TTC39B: variants seen among roughly 807,000 people sequenced by gnomAD.
The protein encoded by TTC39B is tetratricopeptide repeat domain 39B.
TTC39B carries 92 observed loss-of-function variants against 96.6 expected under a neutral mutation model. That is an observed-to-expected ratio of 0.95 (90% CI 0.80 to 1.13). The LOEUF (loss-of-function observed/expected upper bound fraction) is 1.13, where lower values mean the gene tolerates loss of function less well. Among genes scored for constraint, TTC39B ranks in the 50% most tolerant of loss-of-function variants. TTC39B has a pLI of 0.00. For synonymous variants in TTC39B, 367 were observed against 299.4 expected, an observed-to-expected ratio of 1.23 and a Z score of -2.33; for missense variants, 955 against 809.3, an observed-to-expected ratio of 1.18 and a Z score of -2.18.
chr9:15,187,521 G>C (rs534463275), intron 14 of TTC39B, among the ~76,000 whole-genome samples: 30 of 152,196 alleles, frequency 2.0e-4, no homozygotes, highest in Non-Finnish European at 3.5e-4. Flanking sequence ...GTGCAGTGGT[G>C]TGATCATAGC....
chr9:15,179,589 G>A (rs1818139624), intron 17 of TTC39B, among the ~76,000 whole-genome samples: 1 of 152,042 alleles, frequency 6.6e-6, no homozygotes, highest in Admixed American at 6.5e-5. Flanking sequence ...TCTATCCATT[G>A]CTTTTAATCA....
chr9:15,293,306 C>T (rs1187786546), intron 1 of TTC39B, among the ~76,000 whole-genome samples: 1 of 152,084 alleles, frequency 6.6e-6, no homozygotes, highest in African/African-American at 2.4e-5. Context: ...GATGACATTG[C>T]CTCATAACAC....
intron 2 of TTC39B, among the ~76,000 whole-genome samples, chr9:15,237,347 G>A (rs767927863): frequency 1.4e-4 from 22 of 151,904 alleles, no homozygotes; most frequent in African/African-American, 2.2e-4. Context: ...CCGAAAAGTC[G>A]GTTCTTCAAA....
chr9:15,254,181 C>G (rs1231456723), intron 2 of TTC39B, among the ~76,000 whole-genome samples: 1 of 151,512 alleles, frequency 6.6e-6, no homozygotes, highest in African/African-American at 2.4e-5. Flanking sequence ...AAAAAAGAAC[C>G]ATGCAATGAA....
chr9:15,268,079 T>G (rs1043445220), intron 1 of TTC39B, 131 bp from the exon 2 acceptor site: 1 of 671,854 alleles, frequency 1.5e-6, no homozygotes, highest in African/African-American at 1.8e-5. Flanking sequence ...GGCAGTAGAA[T>G]CAATCAACTT....
At chr9:15,194,923 T>C (rs142210576) in intron 8 of TTC39B, among the ~76,000 whole-genome samples, 50 of 152,306 alleles carry the variant, frequency 3.3e-4, no homozygotes, top group South Asian at 8.3e-4. Context: ...AAATTGAAAT[T>C]AGGCCAGTTG....
chr9:15,291,047 C>T (rs1424100361), intron 1 of TTC39B, among the ~76,000 whole-genome samples: 2 of 152,154 alleles, frequency 1.3e-5, no homozygotes, highest in Non-Finnish European at 2.9e-5. Flanking sequence ...AGTCTCCCTC[C>T]TGAGAGGATA....
intron 1 of TTC39B, among the ~76,000 whole-genome samples, chr9:15,301,529 C>T (rs570536220): frequency 2.0e-5 from 3 of 152,110 alleles, no homozygotes; most frequent in African/African-American, 7.2e-5. Context: ...CCCAGGTGGG[C>T]GAATCACCTT....
intron 2 of TTC39B, among the ~76,000 whole-genome samples, chr9:15,233,147 G>T (rs1015280191): frequency 2.0e-5 from 3 of 152,160 alleles, no homozygotes; most frequent in Non-Finnish European, 2.9e-5. Context: ...GCCCTGGCGA[G>T]AAATCTTCAG....
chr9:15,177,932 C>G (rs527313668), intron 17 of TTC39B, 118 bp from the exon 18 acceptor site: 1 of 553,754 alleles, frequency 1.8e-6, no homozygotes, highest in South Asian at 2.3e-5. Flanking sequence ...TGCAGTGGCG[C>G]AATCTCGGCT....
intron 1 of TTC39B, among the ~76,000 whole-genome samples, chr9:15,298,184 T>C (rs1338958643): frequency 1.3e-5 from 2 of 152,142 alleles, no homozygotes; most frequent in African/African-American, 4.8e-5. Flanking sequence ...TCTCCAGAAC[T>C]TGCACCTGTA....
At chr9:15,255,528 T>C (rs935927471) in intron 2 of TTC39B, among the ~76,000 whole-genome samples, 2 of 151,910 alleles carry the variant, frequency 1.3e-5, no homozygotes, top group Non-Finnish European at 2.9e-5. Context: ...GTTTTATTAG[T>C]CATCTTAGGT....
chr9:15,248,407 C>T (rs1292505074), intron 2 of TTC39B, among the ~76,000 whole-genome samples: 1 of 151,910 alleles, frequency 6.6e-6, no homozygotes, highest in African/African-American at 2.4e-5. Context: ...TTTATATGTC[C>T]TATATGTTTG....
intron 1 of TTC39B, among the ~76,000 whole-genome samples, chr9:15,283,365 A>G (rs1823838314): frequency 1.3e-5 from 2 of 152,256 alleles, no homozygotes; most frequent in Admixed American, 1.3e-4. Context: ...AATATTTTGT[A>G]AGCATGTCTG....
chr9:15,302,035 G>C (rs918112566), intron 1 of TTC39B, among the ~76,000 whole-genome samples: 2 of 152,112 alleles, frequency 1.3e-5, no homozygotes, highest in Non-Finnish European at 2.9e-5. Flanking sequence ...TAAAAGTTAA[G>C]TGTAAGGTTG....
intron 5 of TTC39B, 91 bp from the exon 6 acceptor site, chr9:15,210,255 C>T (rs947315877): frequency 4.8e-6 from 4 of 832,648 alleles, no homozygotes; most frequent in Admixed American, 5.1e-5. Flanking sequence ...CAGTCACTAT[C>T]ACACCAAAGA....
intron 9 of TTC39B, among the ~76,000 whole-genome samples, chr9:15,192,002 G>A (rs955101892): frequency 6.6e-6 from 1 of 152,112 alleles, no homozygotes; most frequent in African/African-American, 2.4e-5. Flanking sequence ...TGGATAAGAT[G>A]GTCCATTCTG....
At chr9:15,172,804 C>T (rs529949591) in intron 19 of TTC39B, among the ~76,000 whole-genome samples, 1 of 152,134 alleles carries the variant, frequency 6.6e-6, no homozygotes, top group East Asian at 1.9e-4. Context: ...TTTACAGTGG[C>T]ACTTATTTCT....
chr9:15,278,732 G>A (rs1054923801), intron 1 of TTC39B, among the ~76,000 whole-genome samples: 1 of 152,164 alleles, frequency 6.6e-6, no homozygotes, highest in Non-Finnish European at 1.5e-5. Flanking sequence ...ATAATCATAA[G>A]TTCCATCTAT....
Sources: allele counts gnomAD v4.1 joint callset (sites outside exome capture counted in the v4.1 genomes callset), GRCh38; gene constraint gnomAD v4.1.1; transcripts MANE v1.5; gene names NCBI Gene and HGNC (gene_info 2026-07-23, HGNC 2026-07-21).